SPTBN4: variants seen among roughly 807,000 people sequenced by gnomAD.
The protein encoded by SPTBN4 is spectrin beta, non-erythrocytic 4.
Under a neutral mutation model 277.8 loss-of-function variants are expected in SPTBN4, and 96 were observed. That is an observed-to-expected ratio of 0.35 (90% CI 0.29 to 0.41). The LOEUF (loss-of-function observed/expected upper bound fraction) is 0.41. Ranked by LOEUF, SPTBN4 falls within the 10% of genes least tolerant of loss-of-function variation. The pLI, the probability that SPTBN4 is intolerant of heterozygous loss-of-function variation, is 1.00. For missense variants in SPTBN4, 3,006 were observed against 3,595.7 expected (o/e 0.84, Z 4.19); for synonymous variants, 1,481 against 1,580.3 (o/e 0.94, Z 1.49).
chr19:40,504,870 GAA>G (rs1377391895), intron 12 of SPTBN4, among the ~76,000 whole-genome samples: 1 of 151,646 alleles, frequency 6.6e-6, no homozygotes, highest in African/African-American at 2.4e-5. Context: ...AGAGAGAAAT[GAA>G]AAAAGACATA....
intron 29 of SPTBN4, among the ~76,000 whole-genome samples, 175 bp downstream of exon 29, chr19:40,565,920 A>G (rs757343914): frequency 6.6e-6 from 1 of 151,658 alleles, no homozygotes; most frequent in Non-Finnish European, 1.5e-5. Context: ...TTGAATACCC[A>G]CCCTTGAAAA....
chr19:40,485,092 C>G lies in SPTBN4; in HGVS notation c.170-2605C>G, dbSNP rs145224211. Among the ~76,000 whole-genome samples the G allele has an allele frequency of 7.8e-4, 118 of 152,210 alleles. 2 individuals carry two copies. The East Asian group carries it at 0.022, about 29-fold the overall frequency. ...TCCTGTCGTCAGGTGATCCACCTGC[C>G]TCAGCCTCCCAAAGTGCTGGGATTA... On this transcript the variant is annotated intron_variant, in intron 2 of 35. Coordinates refer to ENST00000598249, the MANE Select transcript of SPTBN4 (RefSeq NM_020971.3).
At chr19:40,527,203 G>A (rs542129867) in intron 17 of SPTBN4, among the ~76,000 whole-genome samples, 13 of 151,724 alleles carry the variant, frequency 8.6e-5, no homozygotes, top group Admixed American at 1.3e-4. Context: ...TTTTCTCTCC[G>A]TTTTTCTCTC....
chr19:40,504,150 G>C lies in SPTBN4; in HGVS notation c.1665+18G>C. The C allele has an allele frequency of 1.4e-5, 14 of 1,020,926 alleles. No individual in the cohort carries two copies. Among genetic ancestry groups the C allele is most frequent in the African/African-American group, 2.0e-5 (1 of 51,098 alleles). The allele number at this position is 1,020,926 out of a possible 1,614,324, so 63.2% of individuals were successfully genotyped here. A position where few individuals can be genotyped will look rare whatever the true frequency, so the allele number is the denominator to read the frequency against. On this transcript the variant is annotated intron_variant, in intron 12 of 35. Coordinates refer to ENST00000598249, the MANE Select transcript of SPTBN4 (RefSeq NM_020971.3). The stretch of plus-strand genomic sequence containing the variant: ...AGATGCAGGTGCCGGCGGGGGGGCG[G>C]GGATGCGGGTGGAGTGCCAGGAGGG...
At chr19:40,573,433 G>T (rs994789100) in intron 35 of SPTBN4, among the ~76,000 whole-genome samples, 1 of 152,314 alleles carries the variant, frequency 6.6e-6, no homozygotes, top group South Asian at 2.1e-4. Flanking sequence ...TCCCAGAAAG[G>T]TTCCCAGGAG....
In SPTBN4 at chr19:40,570,722, C is replaced by T. The variant is rs1300771674; in HGVS notation, c.7313C>T (p.Ser2438Phe). 1.9e-5 allele frequency: 31 copies of T among 1,607,730 alleles called. No individual in the cohort carries two copies. Among genetic ancestry groups the T allele is most frequent in the Non-Finnish European group, 2.5e-5 (30 of 1,177,728 alleles). The change falls in exon 33 of 36, where the codon TCC (serine) becomes TTC (phenylalanine). Residue 2438 changes from serine to phenylalanine, a missense_variant. Around this residue, in one of 5 missense-constraint regions of SPTBN4, gnomAD observed 630 missense variants for 677.6 expected, o/e 0.93. Transcript: ENST00000598249. ...GAGCTCGACGCTAACCGCAAGTCGT[C>T]CAACCGGTGAGCGTGTGGGCGGGGC... ...KRELDANRKS[S>F]NRSWVSLYCV...
chr19:40,562,428 G>T (rs2081051830), intron 27 of SPTBN4, among the ~76,000 whole-genome samples: 1 of 151,766 alleles, frequency 6.6e-6, no homozygotes, highest in Admixed American at 6.6e-5. Context: ...TACTGGGGAG[G>T]CTGAGGCAGG....
chr19:40,556,999 C>CG (rs1555718445), intron 25 of SPTBN4, 24 bp from the exon 26 acceptor site: 15 of 1,490,108 alleles, frequency 1.0e-5, no homozygotes, highest in Non-Finnish European at 1.4e-5. Flanking sequence ...TTGCTGTACC[C>CG]CCCCCCCCAC....
At chr19:40,503,784 T>C (rs2080290053) in intron 11 of SPTBN4, 46 bp from the exon 12 acceptor site, 1 of 1,537,662 alleles carries the variant, frequency 6.5e-7, no homozygotes, top group South Asian at 1.3e-5. Context: ...AGGTAACAGG[T>C]GGACTGCTGA....
In SPTBN4 at chr19:40,569,553, C is replaced by G. The variant is rs2081129623; in HGVS notation, c.6957-104C>G. On this transcript the variant is annotated intron_variant, in intron 31 of 35. Coordinates refer to ENST00000598249, the MANE Select transcript of SPTBN4 (RefSeq NM_020971.3). ...AACAGCTGCAGAAGTGGGCAGGGGC[C>G]TGGCACTTCCAGCTAAGAAGTGGAG... is the stretch of plus-strand genomic sequence containing the variant. 1.9e-5 allele frequency: 22 copies of G among 1,174,356 alleles called. 1 individual carries two copies. The South Asian group carries it at 3.0e-4, about 16-fold the overall frequency. The allele number at this position is 1,174,356 out of a possible 1,614,324, so 72.7% of individuals were successfully genotyped here.
At chr19:40,555,971 G>A in intron 24 of SPTBN4, 113 bp from the exon 25 acceptor site, 2 of 897,516 alleles carry the variant, frequency 2.2e-6, no homozygotes, top group East Asian at 2.7e-5. Context: ...ACACAGCCGT[G>A]TCTGAAGATT....
intron 1 of SPTBN4, among the ~76,000 whole-genome samples, chr19:40,468,482 T>G (rs1017054826): frequency 2.6e-5 from 4 of 152,078 alleles, no homozygotes; most frequent in African/African-American, 9.7e-5. Context: ...GTTCAAGCGA[T>G]TCTCCTGCCT....
intron 20 of SPTBN4, among the ~76,000 whole-genome samples, chr19:40,539,063 C>A (rs2080770205): frequency 6.6e-6 from 1 of 152,194 alleles, no homozygotes; most frequent in African/African-American, 2.4e-5. Context: ...GTCTCAAGAT[C>A]CCGGGCTGAA....
intron 2 of SPTBN4, among the ~76,000 whole-genome samples, chr19:40,483,183 G>A (rs2080032322): frequency 6.6e-6 from 1 of 152,030 alleles, no homozygotes; most frequent in South Asian, 2.1e-4. Context: ...CACCTGGCCA[G>A]TTATTAGTAC....
chr19:40,560,473 G>T lies in SPTBN4; in HGVS notation c.5915+70G>T. 1 of 1,608,328 alleles carries T rather than the reference G, an allele frequency of 6.2e-7. No individual in the cohort carries two copies. Among genetic ancestry groups the T allele is most frequent in the Non-Finnish European group, 8.5e-7 (1 of 1,176,542 alleles). On this transcript the variant is annotated intron_variant, in intron 27 of 35. Coordinates refer to ENST00000598249, the MANE Select transcript of SPTBN4 (RefSeq NM_020971.3). This position sits in a 1 kb window ranked among gnomAD's most constrained non-coding sequence, Gnocchi z 5.2. Reference sequence around the variant, plus strand: ...CTACCCCAGCCACCCCCAGCCCATTGACAGCCCCCTTCTCAATGGAATGAC... The same window carrying T: ...CTACCCCAGCCACCCCCAGCCCATTTACAGCCCCCTTCTCAATGGAATGAC...
intron 11 of SPTBN4, 117 bp from the exon 12 acceptor site, chr19:40,503,713 G>A: frequency 8.8e-7 from 1 of 1,136,572 alleles, no homozygotes; most frequent in East Asian, 2.6e-5. Context: ...GGATAACTAG[G>A]GAGGGCAGGG....
Position 40,519,232 on chromosome 19 carries a change from C to T in SPTBN4, c.2904-169C>T, listed in dbSNP as rs1237470219. On this transcript the variant is annotated intron_variant, in intron 15 of 35. Transcript: ENST00000598249. The surrounding 1 kb of genome is among the most constrained non-coding windows in gnomAD (Gnocchi z 5.7). ...ACATGTTGAGAATGGCTGCCCTAAG[C>T]AAAAGTGCTGCGTAGGGTTCCATTT... Among the ~76,000 whole-genome samples, 1 of 152,212 alleles carries T rather than the reference C, an allele frequency of 6.6e-6. No individual in the cohort carries two copies. Among genetic ancestry groups the T allele is most frequent in the Non-Finnish European group, 1.5e-5 (1 of 68,040 alleles).
At chr19:40,516,796 C>T (rs1466757953) in intron 15 of SPTBN4, among the ~76,000 whole-genome samples, 1 of 152,080 alleles carries the variant, frequency 6.6e-6, no homozygotes, top group Non-Finnish European at 1.5e-5. Flanking sequence ...TGCACTCCAG[C>T]CTAGGTGACA....
chr19:40,467,948 T>C (rs1457689690), intron 1 of SPTBN4, among the ~76,000 whole-genome samples: 1 of 152,150 alleles, frequency 6.6e-6, no homozygotes, highest in Non-Finnish European at 1.5e-5. Context: ...TTTGCTGAGA[T>C]GTGTGAGGAA....
Sources: gnomAD v4.1 joint callset for allele counts (sites outside exome capture counted in the v4.1 genomes callset) on GRCh38, gnomAD v4.1.1 for gene constraint, gnomAD v4.1.1 regional missense constraint, Gnocchi (gnomAD v3.1) non-coding constraint, MANE v1.5 for transcripts, NCBI Gene and HGNC (gene_info 2026-07-23, HGNC 2026-07-21) for gene names.